CCDC6: variants seen among roughly 807,000 people sequenced by gnomAD.
CCDC6 encodes the protein coiled-coil domain-containing protein 6.
CCDC6 carries 20 observed loss-of-function variants against 56.6 expected under a neutral mutation model. The ratio of observed to expected loss-of-function variants is 0.35; its 90% CI spans 0.25 to 0.51. CCDC6 has a LOEUF of 0.51. Among genes scored for constraint, CCDC6 ranks in the 20% least tolerant of loss-of-function variants. The pLI is 0.95. For missense variants in CCDC6, 367 were observed against 601.1 expected, an observed-to-expected ratio of 0.61 and a Z score of 4.07; for synonymous variants, 241 against 234.4, an observed-to-expected ratio of 1.03 and a Z score of -0.26.
intron 1 of CCDC6, among the ~76,000 whole-genome samples, chr10:59,882,046 CCAGGGGGAGAAGGAAAGGAAAGCCGCGGG>C (rs2071342002): frequency 1.7e-5 from 2 of 117,724 alleles, no homozygotes; most frequent in Non-Finnish European, 1.7e-5. Flanking sequence ...GAAAGGAAAG[CCAGGGGGAGAAGGAAAGGAAAGCCGCGGG>C]GAGAAGGAAA....
At position 59,859,199 on chromosome 10, in the gene CCDC6, CGTGTGTGTGTGTGTGTGTGTGT is replaced by C. The variant is rs66648240; in HGVS notation, c.304-6519_304-6498del. ...CTGGAAAAAAAAATACATGTGTGTG[CGTGTGTGTGTGTGTGTGTGTGT>C]GTGTGTGTGTGTGTGTATGAAGGTA... On this transcript the variant is annotated intron_variant, in intron 1 of 8. Transcript: ENST00000263102. Among the ~76,000 whole-genome samples, 207 of 137,258 alleles carry C rather than the reference CGTGTGTGTGTGTGTGTGTGTGT, an allele frequency of 1.5e-3. 1 individual carries two copies. Among genetic ancestry groups the C allele is most frequent in the African/African-American group, 5.1e-3 (189 of 37,336 alleles). 90.0% of individuals were successfully genotyped at this position (137,258 alleles called of 152,430 possible).
chr10:59,804,812 A>G, intron 6 of CCDC6: 1 of 294,232 alleles, frequency 3.4e-6, no homozygotes, highest in Non-Finnish European at 6.5e-6. Flanking sequence ...TTTTTCCTCC[A>G]TCACACAACA....
intron 3 of CCDC6, among the ~76,000 whole-genome samples, chr10:59,819,823 C>T (rs2070737207): frequency 6.6e-6 from 1 of 152,104 alleles, no homozygotes. Flanking sequence ...TAACCCAAGC[C>T]CCGTACTGTG....
intron 2 of CCDC6, among the ~76,000 whole-genome samples, chr10:59,833,654 G>GGT (rs79707242): frequency 4.2e-5 from 2 of 47,872 alleles, no homozygotes; most frequent in Non-Finnish European, 8.9e-5. Context: ...GGGGGGGGGG[G>GGT]TTTGTTGATC....
intron 3 of CCDC6, among the ~76,000 whole-genome samples, chr10:59,815,743 C>T (rs2070705832): frequency 6.6e-6 from 1 of 152,166 alleles, no homozygotes; most frequent in South Asian, 2.1e-4. Context: ...ATTTCTTCAA[C>T]CAGTGGCAAT....
At position 59,899,744 on chromosome 10, in the gene CCDC6, A is replaced by C. The variant is rs529199309; in HGVS notation, c.303+6378T>G. Among the ~76,000 whole-genome samples, 7 of 152,316 alleles carry C rather than the reference A, an allele frequency of 4.6e-5. No individual in the cohort carries two copies. The East Asian group carries it at 1.2e-3, about 25-fold the overall frequency. On this transcript the variant is annotated intron_variant, in intron 1 of 8. Coordinates refer to ENST00000263102, the MANE Select transcript of CCDC6 (RefSeq NM_005436.5). ...TTCCAATGGGGCTACTTTTTCCTCC[A>C]AGCCCTGCTCAGAAACACTTAGAAA...
chr10:59,844,486 C>T (rs1226898799), intron 2 of CCDC6, among the ~76,000 whole-genome samples: 1 of 150,690 alleles, frequency 6.6e-6, no homozygotes, highest in Non-Finnish European at 1.5e-5. Flanking sequence ...CACGGTGGCT[C>T]ATGCCTGTAA....
intron 3 of CCDC6, among the ~76,000 whole-genome samples, chr10:59,828,802 C>T (rs2070810802): frequency 6.6e-6 from 1 of 152,132 alleles, no homozygotes; most frequent in African/African-American, 2.4e-5. Flanking sequence ...GGCTGTTGTC[C>T]CAATTTCTAA....
At chr10:59,887,818 T>A (rs1488781931) in intron 1 of CCDC6, among the ~76,000 whole-genome samples, 1 of 152,092 alleles carries the variant, frequency 6.6e-6, no homozygotes, top group African/African-American at 2.4e-5. Flanking sequence ...ACCCTTTTTT[T>A]AACCTCCTCC....
At chr10:59,834,218 C>T (rs2070859895) in intron 2 of CCDC6, among the ~76,000 whole-genome samples, 1 of 151,978 alleles carries the variant, frequency 6.6e-6, no homozygotes, top group Non-Finnish European at 1.5e-5. Context: ...CCTGAAAACA[C>T]ATACTCAGTT....
At chr10:59,860,068 C>T (rs943289236) in intron 1 of CCDC6, among the ~76,000 whole-genome samples, 5 of 152,200 alleles carry the variant, frequency 3.3e-5, no homozygotes, top group South Asian at 4.1e-4. Context: ...GGCAACAGAG[C>T]GAGATTCTGT....
intron 5 of CCDC6, among the ~76,000 whole-genome samples, chr10:59,810,179 C>T (rs958243703): frequency 6.6e-6 from 1 of 152,168 alleles, no homozygotes; most frequent in Non-Finnish European, 1.5e-5. Context: ...TGAGGAGCCA[C>T]CTGCCATAGC....
chr10:59,856,697 A>C (rs1435332793), intron 1 of CCDC6, among the ~76,000 whole-genome samples: 1 of 152,200 alleles, frequency 6.6e-6, no homozygotes, highest in African/African-American at 2.4e-5. Context: ...GGAAGAAAAA[A>C]CAGGCTACCT....
At chr10:59,899,050 T>C (rs1196954138) in intron 1 of CCDC6, among the ~76,000 whole-genome samples, 5 of 152,200 alleles carry the variant, frequency 3.3e-5, no homozygotes, top group Non-Finnish European at 4.4e-5. Flanking sequence ...AGGGTTGGAA[T>C]AGACTTCACA....
chr10:59,821,444 A>G (rs955105775), intron 3 of CCDC6, among the ~76,000 whole-genome samples: 1 of 152,220 alleles, frequency 6.6e-6, no homozygotes, highest in Non-Finnish European at 1.5e-5. Context: ...GGTGGAAGAC[A>G]TCTGACCCTT....
At position 59,882,587 on chromosome 10, in the gene CCDC6, CCG is replaced by C. The variant is rs777472047; in HGVS notation, c.303+23533_303+23534del. 2.8e-3 allele frequency among the ~76,000 whole-genome samples: 82 copies of C among 28,940 alleles called. 13 individuals are homozygous for C. Among genetic ancestry groups the C allele is most frequent in the Admixed American group, 3.5e-3 (9 of 2,566 alleles). The allele number at this position is 28,940 out of a possible 152,430, so 19.0% of individuals were successfully genotyped here. On this transcript the variant is annotated intron_variant, in intron 1 of 8. Transcript: ENST00000263102. ...AGCCGCGGGGAGAAGGAAAGGAAAG[CCG>C]CGGGGAGAAGGAAAGGAAAGCCGGC...
chr10:59,863,443 T>C (rs963784093), intron 1 of CCDC6, among the ~76,000 whole-genome samples: 3 of 152,220 alleles, frequency 2.0e-5, no homozygotes, highest in African/African-American at 4.8e-5. Context: ...TGCTACGTGA[T>C]AGAAGCTTAA....
chr10:59,801,475 G>A (rs2070574191), intron 7 of CCDC6, among the ~76,000 whole-genome samples: 1 of 152,022 alleles, frequency 6.6e-6, no homozygotes, highest in African/African-American at 2.4e-5. Flanking sequence ...GAAATTCTTT[G>A]CCTTGACCTC....
At chr10:59,855,813 A>G (rs527937070) in intron 1 of CCDC6, among the ~76,000 whole-genome samples, 22 of 152,324 alleles carry the variant, frequency 1.4e-4, no homozygotes, top group African/African-American at 4.8e-4. Flanking sequence ...AACACACTGT[A>G]TTCACAGAGG....
Sources: gnomAD v4.1 joint callset for allele counts (sites outside exome capture counted in the v4.1 genomes callset) on GRCh38, gnomAD v4.1.1 for gene constraint, MANE v1.5 for transcripts, NCBI Gene and HGNC (gene_info 2026-07-23, HGNC 2026-07-21) for gene names.